RANBP17: variants seen among roughly 807,000 people sequenced by gnomAD.
RANBP17 encodes the protein ran-binding protein 17.
A neutral mutation model predicts 141.2 loss-of-function variants in RANBP17; 158 were observed. That is an observed-to-expected ratio of 1.12 (90% CI 0.98 to 1.28). The LOEUF (loss-of-function observed/expected upper bound fraction) is 1.28, where lower values mean the gene tolerates loss of function less well. Ranked by LOEUF, RANBP17 falls within the 50% of genes most tolerant of loss-of-function variation. RANBP17 has a pLI of 0.00. For synonymous variants in RANBP17, 430 were observed against 450.0 expected (o/e 0.96, Z 0.56); for missense variants, 1,438 against 1,290.7 (o/e 1.11, Z -1.75).
intron 12 of RANBP17, among the ~76,000 whole-genome samples, chr5:170,934,397 C>T (rs1381002871): frequency 2.0e-5 from 3 of 152,222 alleles, no homozygotes; most frequent in Middle Eastern, 3.4e-3. Flanking sequence ...TTATTTTGCT[C>T]ATTCGTTGTT....
intron 14 of RANBP17, among the ~76,000 whole-genome samples, chr5:171,153,647 C>T (rs781533723): frequency 6.6e-6 from 1 of 152,198 alleles, no homozygotes; most frequent in Non-Finnish European, 1.5e-5. Context: ...GTGTCATTCA[C>T]TTCTGCATAT....
intron 16 of RANBP17, among the ~76,000 whole-genome samples, chr5:171,180,928 G>A (rs963298813): frequency 2.0e-5 from 3 of 152,112 alleles, no homozygotes; most frequent in East Asian, 3.8e-4. Flanking sequence ...AGCACTGACA[G>A]GAAGATTCCT....
At chr5:171,260,300 CAAAAAA>C (rs35656692) in intron 24 of RANBP17, among the ~76,000 whole-genome samples, 6 of 108,574 alleles carry the variant, frequency 5.5e-5, no homozygotes, top group South Asian at 3.4e-4. Flanking sequence ...GACTCCATCT[CAAAAAA>C]AAAAAAAAAA....
At chr5:170,866,167 T>C (rs1015291035) in intron 1 of RANBP17, among the ~76,000 whole-genome samples, 4 of 152,138 alleles carry the variant, frequency 2.6e-5, no homozygotes, top group Admixed American at 2.0e-4. Flanking sequence ...CCTACCACTA[T>C]TGGGTATGGC....
At chr5:170,863,994 A>C (rs1767035600) in intron 1 of RANBP17, among the ~76,000 whole-genome samples, 3 of 152,190 alleles carry the variant, frequency 2.0e-5, no homozygotes, top group Admixed American at 2.0e-4. Context: ...TCATATTGTT[A>C]ATCAGTTAAC....
chr5:171,016,176 CTTTT>C (rs377305717), intron 14 of RANBP17, among the ~76,000 whole-genome samples: 3 of 109,086 alleles, frequency 2.8e-5, no homozygotes, highest in Admixed American at 9.2e-5. Context: ...GGGATCACTG[CTTTT>C]TTTTTTTTTT....
At chr5:171,262,064 T>G (rs1393920302) in intron 24 of RANBP17, among the ~76,000 whole-genome samples, 1 of 152,216 alleles carries the variant, frequency 6.6e-6, no homozygotes, top group East Asian at 1.9e-4. Context: ...TTTACCTGGC[T>G]TTTTCACAGC....
intron 14 of RANBP17, among the ~76,000 whole-genome samples, chr5:171,072,694 C>A (rs1029844397): frequency 1.3e-5 from 2 of 152,122 alleles, no homozygotes; most frequent in Non-Finnish European, 2.9e-5. Context: ...AATGGCATAG[C>A]CACTTTGGAA....
chr5:170,992,586 A>G (rs1369612047), intron 14 of RANBP17, among the ~76,000 whole-genome samples: 1 of 152,080 alleles, frequency 6.6e-6, no homozygotes, highest in Admixed American at 6.6e-5. Context: ...CATTGTGCAT[A>G]TCTCCATGGT....
At chr5:171,257,514 C>T (rs1765977395) in intron 24 of RANBP17, among the ~76,000 whole-genome samples, 1 of 152,048 alleles carries the variant, frequency 6.6e-6, no homozygotes, top group African/African-American at 2.4e-5. Context: ...CAAGGATTCC[C>T]ATTTCCACCA....
intron 24 of RANBP17, among the ~76,000 whole-genome samples, chr5:171,253,469 G>T (rs1765702983): frequency 6.6e-6 from 1 of 152,148 alleles, no homozygotes; most frequent in African/African-American, 2.4e-5. Flanking sequence ...CCCAACACTT[G>T]CAGTTGCCTT....
chr5:171,286,919 G>T (rs182645353), intron 25 of RANBP17, among the ~76,000 whole-genome samples: 4 of 152,304 alleles, frequency 2.6e-5, no homozygotes, highest in East Asian at 3.9e-4. Flanking sequence ...CTACTCTACT[G>T]TAAGCAATCA....
intron 4 of RANBP17, among the ~76,000 whole-genome samples, chr5:170,893,787 C>T (rs752160929): frequency 2.9e-4 from 43 of 146,572 alleles, no homozygotes; most frequent in Admixed American, 6.7e-4. Context: ...AGCAAGACTC[C>T]GTCTCAAAAA....
chr5:171,160,177 A>G (rs1223515030), intron 14 of RANBP17, among the ~76,000 whole-genome samples: 3 of 152,120 alleles, frequency 2.0e-5, no homozygotes, highest in Admixed American at 6.5e-5. Context: ...ACCACAGATC[A>G]TTCTGTTTTT....
chr5:171,234,749 G>T (rs1372119518), intron 22 of RANBP17, among the ~76,000 whole-genome samples: 3 of 152,230 alleles, frequency 2.0e-5, no homozygotes, highest in Non-Finnish European at 4.4e-5. Context: ...TAAGATGGGT[G>T]TGGGGGACCA....
intron 14 of RANBP17, among the ~76,000 whole-genome samples, chr5:171,107,549 CT>C (rs1273476927): frequency 2.0e-5 from 3 of 152,160 alleles, no homozygotes; most frequent in Middle Eastern, 3.4e-3. Context: ...GATGCTGATA[CT>C]TTTCTCATGC....
Position 171,029,609 on chromosome 5 carries a change from A to G in RANBP17, c.1710+61232A>G, listed in dbSNP as rs375240498. 3.9e-4 allele frequency among the ~76,000 whole-genome samples: 60 copies of G among 152,246 alleles called. 1 individual carries two copies. The South Asian group carries it at 0.012, about 31-fold the overall frequency. On this transcript the variant is annotated intron_variant, in intron 14 of 27. Coordinates refer to ENST00000523189, the MANE Select transcript of RANBP17 (RefSeq NM_022897.5). ...TGTATCCCACTTCTATATGCTAGTA[A>G]TAAGAAACTTCTGATTGTGCCTCAG...
Position 171,028,799 on chromosome 5 carries a change from C to G in RANBP17, c.1710+60422C>G, listed in dbSNP as rs897280488. 4 of 693,830 alleles carry G rather than the reference C, an allele frequency of 5.8e-6. No homozygotes were observed. The Admixed American group carries it at 9.8e-5, about 17-fold the overall frequency. 43.0% of individuals were successfully genotyped at this position (693,830 alleles called of 1,614,324 possible). A position where few individuals can be genotyped will look rare whatever the true frequency, so the allele number is the denominator to read the frequency against. On this transcript the variant is annotated intron_variant, in intron 14 of 27. Coordinates refer to ENST00000523189, the MANE Select transcript of RANBP17 (RefSeq NM_022897.5). ...AAGAATGTGCAAACCTGCCTTTTTT[C>G]CCTCTCCTAAGAAAGGAGAATTCAT...
chr5:171,029,963 A>G (rs1329983838), intron 14 of RANBP17, among the ~76,000 whole-genome samples: 1 of 152,058 alleles, frequency 6.6e-6, no homozygotes, highest in Admixed American at 6.6e-5. Flanking sequence ...TAGTACTTTA[A>G]TATACCTTGT....
Sources: allele counts gnomAD v4.1 joint callset (sites outside exome capture counted in the v4.1 genomes callset), GRCh38; gene constraint gnomAD v4.1.1; transcripts MANE v1.5; gene names NCBI Gene and HGNC (gene_info 2026-07-23, HGNC 2026-07-21).